COL11A2: variants seen among roughly 807,000 people sequenced by gnomAD.
The protein encoded by COL11A2 is collagen type XI alpha 2 chain, also known as collagen alpha-2(XI) chain.
In COL11A2, 116 loss-of-function variants were observed where a neutral mutation model predicts 273.4. The observed-to-expected ratio is 0.42, with a 90% CI of 0.36 to 0.49. The LOEUF is 0.49. Among genes scored for constraint, COL11A2 ranks in the 20% least tolerant of loss-of-function variants. The probability of loss-of-function intolerance (pLI) is 0.00; values close to 1 mark genes in which losing one functional copy is unlikely to be tolerated. For synonymous variants in COL11A2, 782 were observed against 864.2 expected (o/e 0.90, Z 1.67); for missense variants, 1,866 against 2,309.0 (o/e 0.81, Z 3.93).
In COL11A2 at chr6:33,164,408, G is replaced by A. The variant is rs746604769; in HGVS notation, c.4929C>T (p.Leu1643=). ...AGACGTCCTGGTGGGCTGAGACGCT[G>A]AGCAGCCGCAGGAAGGTGAGCTGGA... is the stretch of plus-strand genomic sequence containing the variant. The part of the protein sequence containing the change: ...GVVQLTFLRL[L]SVSAHQDVSY... Residue 1643 remains leucine (L), a synonymous_variant, in exon 65 of 66, where the codon CTC becomes CTT. Coordinates refer to ENST00000341947, the MANE Select transcript of COL11A2 (RefSeq NM_080680.3). This position sits in a 1 kb window ranked among gnomAD's most constrained non-coding sequence, Gnocchi z 4.7. 10 of 1,601,296 alleles carry A rather than the reference G, an allele frequency of 6.2e-6. No homozygotes were observed. The African/African-American group carries it at 1.3e-4, about 21-fold the overall frequency.
Position 33,173,866 on chromosome 6 carries a change from C to T in COL11A2, c.2583+7G>A. ...GGGGCAGTTGGAGCCTTGTAGAGAC[C>T]ATTCACCTTAGCTCCAGACTTCCCA... On this transcript the variant is annotated splice_region_variant and intron_variant, in intron 34 of 65. Coordinates refer to ENST00000341947, the MANE Select transcript of COL11A2 (RefSeq NM_080680.3). The surrounding 1 kb of genome is among the most constrained non-coding windows in gnomAD (Gnocchi z 6.3). 6.2e-7 allele frequency: 1 copy of T among 1,614,016 alleles called. No homozygotes were observed. Among genetic ancestry groups the T allele is most frequent in the South Asian group, 1.1e-5 (1 of 91,056 alleles).
In COL11A2 at chr6:33,173,048, G is replaced by C. The variant is rs1379114878; in HGVS notation, c.2790+12C>G. On this transcript the variant is annotated intron_variant, in intron 38 of 65. Coordinates refer to ENST00000341947, the MANE Select transcript of COL11A2 (RefSeq NM_080680.3). The surrounding 1 kb of genome is among the most constrained non-coding windows in gnomAD (Gnocchi z 6.3). ...GGGTCAGGGGTCCATTCTCTCCTAG[G>C]GACAAACCTACCTGAGGTCCCACCA... The C allele has an allele frequency of 1.2e-6, 2 of 1,612,216 alleles. No individual in the cohort carries two copies. The highest frequency in any genetic ancestry group is 2.7e-5 in the African/African-American group (2 of 74,872).
rs537246549 is a variant in COL11A2 at position 33,169,386 on chromosome 6, G to A, written c.3795C>T (p.Asn1265=). ...GPTGDDGPKG[N]PGPVGFPGDP... ...GCCCCCACTGCCCCAAACTCACAGGGTTCCCTTTGGGGCCATCATCGCCTG... is the reference window on the plus strand; with the variant it reads ...GCCCCCACTGCCCCAAACTCACAGGATTCCCTTTGGGGCCATCATCGCCTG... The change falls in exon 51 of 66, where the codon AAC becomes AAT. Residue 1265 remains asparagine, a synonymous_variant. Coordinates refer to ENST00000341947, the MANE Select transcript of COL11A2 (RefSeq NM_080680.3). This position sits in a 1 kb window ranked among gnomAD's most constrained non-coding sequence, Gnocchi z 5.5. The A allele has an allele frequency of 2.5e-6, 4 of 1,612,402 alleles. No homozygotes were observed. In the African/African-American group the frequency reaches 4.0e-5, roughly 16 times the overall value.
Position 33,186,757 on chromosome 6 carries a change from T to C in COL11A2, c.668A>G (p.Gln223Arg). Reference sequence around the variant, plus strand: ...GCCCCCCTCGCATTCCAGCTCCTTCTGTTCACATGATTCATAGGCTGCCTG... The same window carrying C: ...GCCCCCCTCGCATTCCAGCTCCTTCCGTTCACATGATTCATAGGCTGCCTG... ...GVQAAYESCEQKELECEGGQR... is the reference protein window; with the variant it reads ...GVQAAYESCERKELECEGGQR... The change falls in exon 5 of 66, where the codon CAG (glutamine) becomes CGG (arginine). Residue 223 changes from glutamine (Q) to arginine (R), a missense_variant. Transcript: ENST00000341947. 6.2e-7 allele frequency: 1 copy of C among 1,614,156 alleles called. No individual in the cohort carries two copies. The highest frequency in any genetic ancestry group is 8.5e-7 in the Non-Finnish European group (1 of 1,180,018).
chr6:33,170,682 C>T lies in COL11A2; in HGVS notation c.3475-72G>A, dbSNP rs1769911781. 1 of 1,597,500 alleles carries T rather than the reference C, an allele frequency of 6.3e-7. No individual in the cohort carries two copies. The highest frequency in any genetic ancestry group is 1.3e-5 in the African/African-American group (1 of 74,358). On this transcript the variant is annotated intron_variant, in intron 46 of 65. Transcript: ENST00000341947. This position sits in a 1 kb window ranked among gnomAD's most constrained non-coding sequence, Gnocchi z 4.3. ...AGCACAGCCCTAGGCAGATAGGCCC[C>T]ACAGTCCCCTCCCCTCAGACTCCGC...
rs1201622602 is a variant in COL11A2 at position 33,167,945 on chromosome 6, GCA to G, written c.3961-95_3961-94del. On this transcript the variant is annotated intron_variant, in intron 54 of 65. Transcript: ENST00000341947. This position sits in a 1 kb window ranked among gnomAD's most constrained non-coding sequence, Gnocchi z 6.1. ...CTGTCCTAGACACACACATACACAT[GCA>G]CACACACACGTGCATACACAGGGAC... is the stretch of plus-strand genomic sequence containing the variant. 33 of 1,333,044 alleles carry G rather than the reference GCA, an allele frequency of 2.5e-5. No homozygotes were observed. Among genetic ancestry groups the G allele is most frequent in the East Asian group, 4.7e-5 (2 of 42,668 alleles). The allele number at this position is 1,333,044 out of a possible 1,614,324, so 82.6% of individuals were successfully genotyped here.
In COL11A2 at chr6:33,189,520, T is replaced by C. The variant is rs756418195; in HGVS notation, c.83-51A>G. ...GAAGGGACATGCCCTCAGGAGGGCA[T>C]AAATAGGGGACATTTGGGATCTAGA... On this transcript the variant is annotated intron_variant, in intron 1 of 65. Coordinates refer to ENST00000341947, the MANE Select transcript of COL11A2 (RefSeq NM_080680.3). This position sits in a 1 kb window ranked among gnomAD's most constrained non-coding sequence, Gnocchi z 5.6. The C allele has an allele frequency of 1.9e-6, 3 of 1,606,960 alleles. No individual in the cohort carries two copies. The highest frequency in any genetic ancestry group is 2.6e-6 in the Non-Finnish European group (3 of 1,175,386).
chr6:33,180,111 C>A, intron 12 of COL11A2, 147 bp downstream of exon 12: 1 of 917,998 alleles, frequency 1.1e-6, no homozygotes, highest in Non-Finnish European at 1.7e-6. Flanking sequence ...ATCTCCCCAA[C>A]CCCAAAGACG....
In COL11A2 at chr6:33,170,207, C is replaced by A; in HGVS notation, c.3583-107G>T. On this transcript the variant is annotated intron_variant, in intron 48 of 65. Coordinates refer to ENST00000341947, the MANE Select transcript of COL11A2 (RefSeq NM_080680.3). The surrounding 1 kb of genome is among the most constrained non-coding windows in gnomAD (Gnocchi z 4.3). ...GGTTACAGCAGTGAGGCAGTGGAGG[C>A]CTCCCGGGAGTAAGGGCTTCTCTTG... 6.3e-7 allele frequency: 1 copy of A among 1,577,160 alleles called. No individual in the cohort carries two copies. Among genetic ancestry groups the A allele is most frequent in the East Asian group, 2.2e-5 (1 of 44,532 alleles).
chr6:33,176,418 C>T lies in COL11A2; in HGVS notation c.2169+15G>A. The T allele has an allele frequency of 6.2e-7, 1 of 1,612,276 alleles. No homozygotes were observed. The highest frequency in any genetic ancestry group is 8.5e-7 in the Non-Finnish European group (1 of 1,179,674). ...TGACCACAGCCCTTTGTCTCCCAGCCTGGTGGTCAGTTACCTTGACCCCTC... is the reference window on the plus strand; with the variant it reads ...TGACCACAGCCCTTTGTCTCCCAGCTTGGTGGTCAGTTACCTTGACCCCTC... On this transcript the variant is annotated intron_variant, in intron 27 of 65. Coordinates refer to ENST00000341947, the MANE Select transcript of COL11A2 (RefSeq NM_080680.3). The surrounding 1 kb of genome is among the most constrained non-coding windows in gnomAD (Gnocchi z 4.9).
In COL11A2 at chr6:33,172,037, A is replaced by G. The variant is rs1186632864; in HGVS notation, c.3042+13T>C. ...CCGGGTCCTTCCTACCACTTCCGGA[A>G]CCCCAGACTCACTGCAGGGCCAGGG... On this transcript the variant is annotated intron_variant, in intron 41 of 65. Coordinates refer to ENST00000341947, the MANE Select transcript of COL11A2 (RefSeq NM_080680.3). 1.2e-6 allele frequency: 2 copies of G among 1,612,416 alleles called. No individual in the cohort carries two copies. Among genetic ancestry groups the G allele is most frequent in the Non-Finnish European group, 1.7e-6 (2 of 1,179,864 alleles).
chr6:33,182,031 T>C (rs1037834385), intron 8 of COL11A2, among the ~76,000 whole-genome samples: 1 of 152,070 alleles, frequency 6.6e-6, no homozygotes, highest in African/African-American at 2.4e-5. Flanking sequence ...TCCCAGCACT[T>C]TGGGAGGCGG....
chr6:33,164,554 C>A lies in COL11A2; in HGVS notation c.4864-81G>T. ...GGGAGACAGAGACGGGCCTCAGGAG[C>A]ATCTACGGCACCAGGACAGCTGAGC... On this transcript the variant is annotated intron_variant, in intron 64 of 65. Coordinates refer to ENST00000341947, the MANE Select transcript of COL11A2 (RefSeq NM_080680.3). The surrounding 1 kb of genome is among the most constrained non-coding windows in gnomAD (Gnocchi z 4.7). 1 of 1,197,698 alleles carries A rather than the reference C, an allele frequency of 8.3e-7. No individual in the cohort carries two copies. The allele number at this position is 1,197,698 out of a possible 1,614,324, so 74.2% of individuals were successfully genotyped here.
intron 7 of COL11A2, 28 bp downstream of exon 7, chr6:33,184,964 A>G (rs1417877815): frequency 6.5e-7 from 1 of 1,544,146 alleles, no homozygotes; most frequent in African/African-American, 1.4e-5. Context: ...CTGCCCCCAG[A>G]TGGGGTGAGG....
chr6:33,178,941 C>T lies in COL11A2; in HGVS notation c.1644G>A (p.Met548Ile). ...TTACCTTCACTCCAGGATCTCCAGG[C>T]ATCCCTCGGGCTCCATCAGCACCTG... is the stretch of plus-strand genomic sequence containing the variant. ...GRAGADGARG[M>I]PGDPGVKGDR... Residue 548 changes from methionine to isoleucine, a missense_variant, in exon 17 of 66, where the codon ATG becomes ATA. By Grantham distance (10) the Met-to-Ile change is conservative. Transcript: ENST00000341947. The surrounding 1 kb of genome is among the most constrained non-coding windows in gnomAD (Gnocchi z 4.6). The T allele has an allele frequency of 6.2e-7, 1 of 1,614,144 alleles. No homozygotes were observed. The highest frequency in any genetic ancestry group is 8.5e-7 in the Non-Finnish European group (1 of 1,180,014).
Position 33,171,743 on chromosome 6 carries a change from G to T in COL11A2, c.3120C>A (p.Pro1040=). The T allele has an allele frequency of 1.2e-6, 2 of 1,612,960 alleles. No homozygotes were observed. Among genetic ancestry groups the T allele is most frequent in the Middle Eastern group, 1.6e-4 (1 of 6,062 alleles). ...CACCTTTCTCTCCTGCTGCTCCAGGGGGACCCTGCGGGCCTGGGCGCCCTG... is the reference window on the plus strand; with the variant it reads ...CACCTTTCTCTCCTGCTGCTCCAGGTGGACCCTGCGGGCCTGGGCGCCCTG... ...GPPGRPGPQG[P]PGAAGEKGVP... Residue 1040 remains proline (P), a synonymous_variant, in exon 42 of 66, where the codon CCC becomes CCA. Coordinates refer to ENST00000341947, the MANE Select transcript of COL11A2 (RefSeq NM_080680.3).
At position 33,165,830 on chromosome 6, in the gene COL11A2, C is replaced by T. The variant is rs1166801176; in HGVS notation, c.4483-14G>A. The T allele has an allele frequency of 6.2e-7, 1 of 1,613,412 alleles. No individual in the cohort carries two copies. Among genetic ancestry groups the T allele is most frequent in the South Asian group, 1.1e-5 (1 of 91,066 alleles). ...GCCTGGGGGACCCTGGGTGCAGGGA[C>T]AGATGGAGAGGGCAAGAGACAAGGT... On this transcript the variant is annotated splice_polypyrimidine_tract_variant and intron_variant, in intron 62 of 65. Transcript: ENST00000341947. This position sits in a 1 kb window ranked among gnomAD's most constrained non-coding sequence, Gnocchi z 7.7.
intron 8 of COL11A2, among the ~76,000 whole-genome samples, chr6:33,183,153 A>G (rs1353288112): frequency 6.6e-6 from 1 of 152,210 alleles, no homozygotes; most frequent in Non-Finnish European, 1.5e-5. Context: ...ACTGACAGGG[A>G]ATACTGGAAG....
rs1769429875 is a variant in COL11A2 at position 33,167,972 on chromosome 6, C to T, written c.3961-120G>A. 4 of 1,085,034 alleles carry T rather than the reference C, an allele frequency of 3.7e-6. No individual in the cohort carries two copies. The South Asian group carries it at 5.3e-5, about 14-fold the overall frequency. 67.2% of individuals were successfully genotyped at this position (1,085,034 alleles called of 1,614,324 possible). ...ACACACACACGTGCATACACAGGGACACGCGCCGAGGGCCGATTCACAGAT... is the reference window on the plus strand; with the variant it reads ...ACACACACACGTGCATACACAGGGATACGCGCCGAGGGCCGATTCACAGAT... On this transcript the variant is annotated intron_variant, in intron 54 of 65. Coordinates refer to ENST00000341947, the MANE Select transcript of COL11A2 (RefSeq NM_080680.3). This position sits in a 1 kb window ranked among gnomAD's most constrained non-coding sequence, Gnocchi z 6.1.
Sources: allele counts gnomAD v4.1 joint callset (sites outside exome capture counted in the v4.1 genomes callset), GRCh38; gene constraint gnomAD v4.1.1; non-coding constraint Gnocchi (gnomAD v3.1); transcripts MANE v1.5; gene names NCBI Gene and HGNC (gene_info 2026-07-23, HGNC 2026-07-21).